The following SLF1 variants were observed in gnomAD, a reference collection of about 807,000 sequenced individuals.
The protein encoded by SLF1 is SMC5-SMC6 complex localization factor protein 1.
A neutral mutation model predicts 123.0 loss-of-function variants in SLF1; 105 were observed. That is an observed-to-expected ratio of 0.85 (90% confidence interval 0.73 to 1.00). SLF1 has a LOEUF of 1.00. Ranked by LOEUF, SLF1 falls within the 50% of genes least tolerant of loss-of-function variation. The probability of loss-of-function intolerance (pLI) is 0.00; values close to 1 mark genes in which losing one functional copy is unlikely to be tolerated. For missense variants in SLF1, 1,239 were observed against 1,223.0 expected (o/e 1.01, Z -0.20); for synonymous variants, 434 against 406.6 (o/e 1.07, Z -0.81).
chr5:94,629,197 A>G, intron 3 of SLF1, 30 bp downstream of exon 3: 3 of 1,509,234 alleles, frequency 2.0e-6, no homozygotes, highest in Non-Finnish European at 8.9e-7. Flanking sequence ...CCAACTTTTA[A>G]AAACAATCTT....
intron 5 of SLF1, among the ~76,000 whole-genome samples, chr5:94,649,002 C>A (rs371359707): frequency 1.3e-5 from 2 of 152,064 alleles, no homozygotes; most frequent in African/African-American, 4.8e-5. Context: ...TATTGCTATT[C>A]AAGTAAGAGT....
intron 14 of SLF1, among the ~76,000 whole-genome samples, chr5:94,672,988 G>A (rs1314847008): frequency 1.3e-5 from 2 of 152,116 alleles, no homozygotes; most frequent in African/African-American, 4.8e-5. Context: ...CACTAGTTAA[G>A]GACTATTCTA....
At chr5:94,634,907 ATTGAG>A (rs1463888404) in intron 4 of SLF1, among the ~76,000 whole-genome samples, 4 of 152,132 alleles carry the variant, frequency 2.6e-5, no homozygotes, top group South Asian at 2.1e-4. Context: ...TTTTCTTGCT[ATTGAG>A]TTGAGTTCCT....
chr5:94,687,653 C>T (rs1035052629), intron 16 of SLF1, among the ~76,000 whole-genome samples: 1 of 152,064 alleles, frequency 6.6e-6, no homozygotes, highest in Admixed American at 6.6e-5. Flanking sequence ...GTGATAACCA[C>T]TGTACTGTAG....
At position 94,663,807 on chromosome 5, in the gene SLF1, G is replaced by A; in HGVS notation, c.1267G>A (p.Gly423Arg). The change falls in exon 11 of 21, where the codon GGA becomes AGA. Residue 423 changes from glycine (G) to arginine (R), a missense_variant. Gly to Arg is a moderately radical substitution (Grantham distance 125). Transcript: ENST00000265140. Reference sequence around the variant, plus strand: ...AAATTTAATTGAAAGCCTCATAGAAGGACATTTTTTTAAAGAAGCAATTGA... The same window carrying A: ...AAATTTAATTGAAAGCCTCATAGAAAGACATTTTTTTAAAGAAGCAATTGA... ...VLNLIESLIE[G>R]HFFKEAIEEL... The A allele has an allele frequency of 4.5e-6, 7 of 1,550,404 alleles. No homozygotes were observed. The highest frequency in any genetic ancestry group is 5.2e-6 in the Non-Finnish European group (6 of 1,146,406).
intron 1 of SLF1, among the ~76,000 whole-genome samples, chr5:94,619,332 C>T (rs1362297300): frequency 6.6e-6 from 1 of 151,912 alleles, no homozygotes; most frequent in South Asian, 2.1e-4. Context: ...CTATCTCTGA[C>T]TGCTATAGGC....
At chr5:94,647,955 G>A (rs138251284) in intron 5 of SLF1, among the ~76,000 whole-genome samples, 23 of 152,242 alleles carry the variant, frequency 1.5e-4, no homozygotes, top group African/African-American at 5.5e-4. Context: ...AATATATTCA[G>A]GATTAGGAAA....
chr5:94,620,785 A>G (rs1442474035), intron 1 of SLF1, among the ~76,000 whole-genome samples: 1 of 152,176 alleles, frequency 6.6e-6, no homozygotes, highest in African/African-American at 2.4e-5. Flanking sequence ...TCACCTTATA[A>G]GGGCATGTTA....
chr5:94,658,820 C>G (rs1211700380), intron 9 of SLF1, among the ~76,000 whole-genome samples: 2 of 151,456 alleles, frequency 1.3e-5, no homozygotes, highest in African/African-American at 4.9e-5. Flanking sequence ...GCTTTTTTTT[C>G]GTTTTGTCTG....
At chr5:94,628,968 C>G in intron 2 of SLF1, 44 bp downstream of exon 2, 1 of 1,440,706 alleles carries the variant, frequency 6.9e-7, no homozygotes, top group Non-Finnish European at 9.4e-7. Context: ...TGAAAAATAA[C>G]TACAATTCAA....
At chr5:94,670,102 C>T in intron 12 of SLF1, 49 bp from the exon 13 acceptor site, 1 of 1,477,104 alleles carries the variant, frequency 6.8e-7, no homozygotes, top group African/African-American at 1.5e-5. Flanking sequence ...TCACAAATGA[C>T]TTAGTGAATT....
intron 14 of SLF1, among the ~76,000 whole-genome samples, chr5:94,673,088 C>A (rs1231587915): frequency 6.6e-6 from 1 of 151,930 alleles, no homozygotes; most frequent in Non-Finnish European, 1.5e-5. Context: ...TTCACTCTTA[C>A]CATGAGGATG....
chr5:94,671,750 T>A (rs1259537859), intron 14 of SLF1, among the ~76,000 whole-genome samples: 8 of 151,782 alleles, frequency 5.3e-5, no homozygotes, highest in Admixed American at 5.2e-4. Flanking sequence ...ACCTGTTGAG[T>A]ACAACTTGAC....
At chr5:94,625,558 A>G (rs1435475945) in intron 1 of SLF1, among the ~76,000 whole-genome samples, 1 of 151,360 alleles carries the variant, frequency 6.6e-6, no homozygotes, top group Non-Finnish European at 1.5e-5. Context: ...TAATTTTTGT[A>G]TTTTAGTAGA....
intron 1 of SLF1, 119 bp from the exon 2 acceptor site, chr5:94,628,692 T>G (rs1744880622): frequency 3.7e-6 from 2 of 547,304 alleles, no homozygotes; most frequent in Non-Finnish European, 6.1e-6. Flanking sequence ...GCCTAACATC[T>G]TTAATTCATT....
intron 11 of SLF1, 141 bp downstream of exon 11, chr5:94,664,049 T>G: frequency 2.8e-6 from 2 of 715,654 alleles, no homozygotes; most frequent in Non-Finnish European, 4.2e-6. Flanking sequence ...AGTACCCATT[T>G]ATTACTACTG....
At chr5:94,689,701 A>C in intron 18 of SLF1, 95 bp downstream of exon 18, 1 of 1,141,056 alleles carries the variant, frequency 8.8e-7, no homozygotes, top group Non-Finnish European at 1.2e-6. Context: ...TGAATACTTG[A>C]ACTTAAATAT....
chr5:94,636,811 G>A (rs1032876219), intron 4 of SLF1, among the ~76,000 whole-genome samples: 2 of 145,862 alleles, frequency 1.4e-5, no homozygotes, highest in African/African-American at 5.1e-5. Flanking sequence ...TCCTCCTCCT[G>A]GGTTCAAGCG....
At chr5:94,628,319 A>G (rs1454398838) in intron 1 of SLF1, among the ~76,000 whole-genome samples, 1 of 151,402 alleles carries the variant, frequency 6.6e-6, no homozygotes, top group Non-Finnish European at 1.5e-5. Flanking sequence ...TTATATTTTT[A>G]GTAGAGGCAG....
Sources: allele counts gnomAD v4.1 joint callset (sites outside exome capture counted in the v4.1 genomes callset), GRCh38; gene constraint gnomAD v4.1.1; transcripts MANE v1.5; gene names NCBI Gene and HGNC (gene_info 2026-07-23, HGNC 2026-07-21).